Variants in UBR4 observed in about 807,000 individuals in gnomAD.
UBR4 encodes ubiquitin protein ligase E3 component n-recognin 4.
A neutral mutation model predicts 575.6 loss-of-function variants in UBR4; 124 were observed. The observed-to-expected ratio is 0.22, with a 90% CI of 0.19 to 0.25. The LOEUF is 0.25. UBR4 is among the 10% of genes least tolerant of loss of function. UBR4 has a pLI of 1.00. For synonymous variants in UBR4, 2,455 were observed against 2,473.7 expected (o/e 0.99, Z 0.22); for missense variants, 4,818 against 6,478.8 (o/e 0.74, Z 8.80).
intron 86 of UBR4, 149 bp from the exon 87 acceptor site, chr1:19,104,406 C>G: frequency 8.4e-7 from 1 of 1,195,812 alleles, no homozygotes; most frequent in South Asian, 1.5e-5. Flanking sequence ...CGGAAACAGT[C>G]AATAGCAAAC....
rs115838313 is a variant in UBR4, at chr1:19,185,258, T to C, written c.1779A>G (p.Gln593=). 1,617 of 1,593,200 alleles carry C rather than the reference T, an allele frequency of 1.0e-3. 12 individuals are homozygous for C. In the African/African-American group the frequency reaches 0.019, roughly 19 times the overall value. The change falls in exon 15 of 106, where the codon CAA becomes CAG. Residue 593 remains glutamine (Q), a synonymous_variant. Transcript: ENST00000375254. ...QDDDSEPILG[Q]WFEETISPSK... is the part of the protein sequence containing the mutation. ...TGGGAGAAATAGTCTCCTCAAACCA[T>C]TGCCCCAAAATAGGCTCACTGTCAT...
intron 17 of UBR4, 45 bp from the exon 18 acceptor site, chr1:19,179,265 G>A (rs764510101): frequency 2.2e-5 from 33 of 1,485,980 alleles, no homozygotes; most frequent in Non-Finnish European, 2.9e-5. Context: ...ACAGATACGG[G>A]ATAAAGTCAA....
chr1:19,175,130 T>C, intron 20 of UBR4, 97 bp from the exon 21 acceptor site: 3 of 1,162,974 alleles, frequency 2.6e-6, no homozygotes, highest in Non-Finnish European at 3.6e-6. Context: ...ATAATAAGGT[T>C]TCCCAACCTT....
At chr1:19,124,240 T>C (rs969161593) in intron 65 of UBR4, among the ~76,000 whole-genome samples, 1 of 152,222 alleles carries the variant, frequency 6.6e-6, no homozygotes, top group African/African-American at 2.4e-5. Flanking sequence ...ATCTCTCTAT[T>C]AAGATAACTA....
intron 1 of UBR4, among the ~76,000 whole-genome samples, chr1:19,208,007 AAC>A (rs1304234704): frequency 6.6e-6 from 1 of 152,210 alleles, no homozygotes; most frequent in Non-Finnish European, 1.5e-5. Flanking sequence ...CCTGCTTTAT[AAC>A]AAACTGAACA....
intron 1 of UBR4, among the ~76,000 whole-genome samples, chr1:19,207,560 C>G (rs12723349): frequency 0.13 from 20,405 of 152,134 alleles, 1,460 homozygotes; most frequent in Middle Eastern, 0.19. Flanking sequence ...ACCTGGGAGG[C>G]GTAGGTTGCA....
At chr1:19,165,176 A>G in intron 31 of UBR4, 73 bp downstream of exon 31, 6 of 1,498,918 alleles carry the variant, frequency 4.0e-6, no homozygotes, top group South Asian at 1.2e-5. Context: ...AGTTAAACTC[A>G]GGCAGAAGAT....
chr1:19,098,108 C>T (rs1204861520), intron 90 of UBR4, among the ~76,000 whole-genome samples: 1 of 152,180 alleles, frequency 6.6e-6, no homozygotes, highest in African/African-American at 2.4e-5. Context: ...TTCAAGCAGC[C>T]TGCCTCCAAG....
intron 90 of UBR4, among the ~76,000 whole-genome samples, chr1:19,097,626 C>A (rs1205434138): frequency 6.6e-6 from 1 of 152,182 alleles, no homozygotes; most frequent in Non-Finnish European, 1.5e-5. Context: ...GATCCTTTTA[C>A]ATAAGGTTAC....
Position 19,179,131 on chromosome 1 carries a change from T to A in UBR4, c.2274A>T (p.Ser758=), listed in dbSNP as rs533563245. 4 of 1,613,870 alleles carry A rather than the reference T, an allele frequency of 2.5e-6. No individual in the cohort carries two copies. Among genetic ancestry groups the A allele is most frequent in the Non-Finnish European group, 3.4e-6 (4 of 1,179,946 alleles). ...YIHPQSLSVL[S]RLLLIWQHKA... ...TATGTTGCCAGATGAGCAGGAGGCGTGAAAGCACAGAGAGGCTTTGAGGGT... is the reference window on the plus strand; with the variant it reads ...TATGTTGCCAGATGAGCAGGAGGCGAGAAAGCACAGAGAGGCTTTGAGGGT... Residue 758 remains serine, a synonymous_variant, in exon 18 of 106, where the codon TCA becomes TCT. Coordinates refer to ENST00000375254, the MANE Select transcript of UBR4 (RefSeq NM_020765.3).
At chr1:19,114,705 T>A (rs2080288284) in intron 75 of UBR4, 106 bp downstream of exon 75, 1 of 1,448,116 alleles carries the variant, frequency 6.9e-7, no homozygotes, top group African/African-American at 1.4e-5. Flanking sequence ...TGGTGTTGAG[T>A]CGAAGAAGGC....
intron 60 of UBR4, among the ~76,000 whole-genome samples, chr1:19,129,780 A>G (rs906477545): frequency 6.6e-6 from 1 of 152,186 alleles, no homozygotes; most frequent in Non-Finnish European, 1.5e-5. Context: ...AAATTAATTA[A>G]AGTCCTACTG....
chr1:19,147,788 C>G (rs1448972450), intron 51 of UBR4, among the ~76,000 whole-genome samples: 3 of 152,142 alleles, frequency 2.0e-5, no homozygotes, highest in Non-Finnish European at 4.4e-5. Flanking sequence ...AAAATAAGTA[C>G]AAACCAGGGG....
chr1:19,118,835 T>C (rs749779554), intron 71 of UBR4, 37 bp downstream of exon 71: 7 of 1,606,424 alleles, frequency 4.4e-6, no homozygotes, highest in Admixed American at 1.7e-5. Flanking sequence ...GAATGCTGAC[T>C]GAGCTTCCCA....
chr1:19,123,242 A>G (rs946020465), intron 65 of UBR4, among the ~76,000 whole-genome samples, 182 bp from the exon 66 acceptor site: 6 of 152,148 alleles, frequency 3.9e-5, no homozygotes, highest in African/African-American at 1.4e-4. Flanking sequence ...ACTTGAGGTC[A>G]GGAATTTGAG....
intron 18 of UBR4, 100 bp from the exon 19 acceptor site, chr1:19,177,843 C>T: frequency 1.5e-6 from 2 of 1,303,866 alleles, no homozygotes; most frequent in South Asian, 1.5e-5. Context: ...TAAACCCAGG[C>T]AGTAAGATAA....
At chr1:19,186,165 A>G (rs913896206) in intron 14 of UBR4, among the ~76,000 whole-genome samples, 3 of 152,212 alleles carry the variant, frequency 2.0e-5, no homozygotes, top group African/African-American at 7.2e-5. Context: ...AACTATGACT[A>G]TGATAACATC....
In UBR4 at chr1:19,101,127, C is replaced by T. The variant is rs145776989; in HGVS notation, c.13023+393G>A. 5.5e-3 allele frequency among the ~76,000 whole-genome samples: 841 copies of T among 152,198 alleles called. 4 individuals carry two copies. The highest frequency in any genetic ancestry group is 8.9e-3 in the Non-Finnish European group (607 of 68,004). ...AGTTCAGGCTAGGGAAAAAAACACA[C>T]GCTGCATGTGTGCACAAAATACAGG... On this transcript the variant is annotated intron_variant, in intron 88 of 105. Transcript: ENST00000375254.
chr1:19,187,279 G>A lies in UBR4; in HGVS notation c.1517C>T (p.Pro506Leu), dbSNP rs1414527164. Residue 506 changes from proline (P) to leucine (L), a missense_variant, in exon 13 of 106, where the codon CCT (proline) becomes CTT (leucine). Pro to Leu is a moderately conservative substitution (Grantham distance 98). Around this residue, in one of 29 missense-constraint regions of UBR4, gnomAD observed 162 missense variants for 216.4 expected, o/e 0.75. Transcript: ENST00000375254. ...LHKGWETDGP[P>L]AALSIMAQST... The stretch of plus-strand genomic sequence containing the variant: ...CTGGGCCATAATGCTCAAGGCTGCA[G>A]GGGGGCCATCTGTCTCCCAACCCTG... 1 of 1,613,666 alleles carries A rather than the reference G, an allele frequency of 6.2e-7. No individual in the cohort carries two copies. The highest frequency in any genetic ancestry group is 8.5e-7 in the Non-Finnish European group (1 of 1,179,732).
Sources: gnomAD v4.1 joint callset for allele counts (sites outside exome capture counted in the v4.1 genomes callset) on GRCh38, gnomAD v4.1.1 for gene constraint, gnomAD v4.1.1 regional missense constraint, MANE v1.5 for transcripts, NCBI Gene and HGNC (gene_info 2026-07-23, HGNC 2026-07-21) for gene names.